DPY19L4: variants seen among roughly 807,000 people sequenced by gnomAD.
DPY19L4 encodes probable C-mannosyltransferase DPY19L4.
Under a neutral mutation model 102.8 loss-of-function variants are expected in DPY19L4, and 97 were observed. That is an observed-to-expected ratio of 0.94 (90% confidence interval 0.80 to 1.12). DPY19L4 has a LOEUF of 1.12. DPY19L4 is among the 50% of genes most tolerant of loss of function. The pLI is 0.00. For missense variants in DPY19L4, 815 were observed against 850.4 expected, an observed-to-expected ratio of 0.96 and a Z score of 0.52; for synonymous variants, 252 against 283.1, an observed-to-expected ratio of 0.89 and a Z score of 1.10.
intron 14 of DPY19L4, among the ~76,000 whole-genome samples, chr8:94,778,000 G>A (rs1311999160): frequency 1.3e-5 from 2 of 152,226 alleles, no homozygotes; most frequent in African/African-American, 2.4e-5. Flanking sequence ...GGAGGCTGAA[G>A]TGGGTGGATC....
chr8:94,788,617 A>G (rs1813757352), intron 18 of DPY19L4, among the ~76,000 whole-genome samples: 1 of 146,428 alleles, frequency 6.8e-6, no homozygotes, highest in Admixed American at 7.2e-5. Context: ...TGTTTTCCAC[A>G]AGAAGACCAC....
chr8:94,761,776 T>C lies in DPY19L4; in HGVS notation c.812T>C (p.Phe271Ser). 1 of 1,612,706 alleles carries C rather than the reference T, an allele frequency of 6.2e-7. No homozygotes were observed. Among genetic ancestry groups the C allele is most frequent in the Non-Finnish European group, 8.5e-7 (1 of 1,179,450 alleles). Residue 271 changes from phenylalanine (F) to serine (S), a missense_variant, in exon 8 of 19, where the codon TTT (phenylalanine) becomes TCT (serine). Phe to Ser is a radical substitution (Grantham distance 155, BLOSUM62 -2). Transcript: ENST00000414645. ...MMWEYSHYLL[F>S]LQAISLFLLD... ...TGGGAGTATAGCCACTATCTCCTGT[T>C]TCTTCAAGCAATATCTCTATTCCTG... is the stretch of plus-strand genomic sequence containing the variant.
chr8:94,725,298 T>TA (rs1810639059), intron 1 of DPY19L4, among the ~76,000 whole-genome samples: 3 of 152,230 alleles, frequency 2.0e-5, no homozygotes. Flanking sequence ...ACTCTGTACT[T>TA]ACAGTATCAT....
At chr8:94,747,687 T>G (rs2130841624) in intron 6 of DPY19L4, among the ~76,000 whole-genome samples, 1 of 151,536 alleles carries the variant, frequency 6.6e-6, no homozygotes, top group African/African-American at 2.4e-5. Flanking sequence ...GCTTCCCGAG[T>G]AGCTAGGACT....
At chr8:94,755,627 G>A (rs1199243081) in intron 6 of DPY19L4, among the ~76,000 whole-genome samples, 1 of 152,114 alleles carries the variant, frequency 6.6e-6, no homozygotes, top group East Asian at 1.9e-4. Context: ...GGGTGCGGTG[G>A]CTCATGCCTG....
Position 94,780,418 on chromosome 8 carries a change from A to T in DPY19L4, c.1632+3A>T, listed in dbSNP as rs1346193803. 6.9e-7 allele frequency: 1 copy of T among 1,448,288 alleles called. No homozygotes were observed. The highest frequency in any genetic ancestry group is 9.2e-7 in the Non-Finnish European group (1 of 1,083,508). The allele number at this position is 1,448,288 out of a possible 1,614,324, so 89.7% of individuals were successfully genotyped here. ...TAGGTCTCAGCTTATGGAAAGAGGT[A>T]AAAAAATTAGATTTTTATATTAATA... On this transcript the variant is annotated splice_donor_region_variant and intron_variant, in intron 15 of 18. Transcript: ENST00000414645.
chr8:94,767,002 G>A (rs979260809), intron 11 of DPY19L4, among the ~76,000 whole-genome samples: 21 of 151,554 alleles, frequency 1.4e-4, no homozygotes, highest in African/African-American at 4.4e-4. Flanking sequence ...CCTGGGAGGT[G>A]GAGGTCATAG....
At chr8:94,732,629 C>T (rs1191833967) in intron 2 of DPY19L4, among the ~76,000 whole-genome samples, 2 of 151,784 alleles carry the variant, frequency 1.3e-5, no homozygotes, top group African/African-American at 2.4e-5. Context: ...TTGAGTTGTA[C>T]ATTTTACATG....
intron 11 of DPY19L4, among the ~76,000 whole-genome samples, chr8:94,768,154 G>C (rs888369520): frequency 6.6e-6 from 1 of 152,132 alleles, no homozygotes; most frequent in African/African-American, 2.4e-5. Context: ...AGATGGTCAC[G>C]TTACTTGGTA....
chr8:94,783,364 T>C (rs1199703787), intron 16 of DPY19L4, among the ~76,000 whole-genome samples: 1 of 152,216 alleles, frequency 6.6e-6, no homozygotes, highest in Non-Finnish European at 1.5e-5. Flanking sequence ...TTCTTGTTAC[T>C]ATCCCCTTAC....
At position 94,733,821 on chromosome 8, in the gene DPY19L4, C is replaced by A. The variant is rs183003766; in HGVS notation, c.128-809C>A. Among the ~76,000 whole-genome samples the A allele has an allele frequency of 4.1e-3, 630 of 152,176 alleles. 13 individuals are homozygous for A. Among genetic ancestry groups the A allele is most frequent in the South Asian group, 0.037 (179 of 4,816 alleles). On this transcript the variant is annotated intron_variant, in intron 2 of 18. Coordinates refer to ENST00000414645, the MANE Select transcript of DPY19L4 (RefSeq NM_181787.3). ...CCTCCCAAAGTGGCGGGATTACAGACGTGAGCTACCGCGCCCGGCCTATAC... is the reference window on the plus strand; with the variant it reads ...CCTCCCAAAGTGGCGGGATTACAGAAGTGAGCTACCGCGCCCGGCCTATAC...
intron 7 of DPY19L4, among the ~76,000 whole-genome samples, chr8:94,759,228 T>C (rs1298293832): frequency 6.6e-6 from 1 of 152,156 alleles, no homozygotes; most frequent in Non-Finnish European, 1.5e-5. Context: ...TATTCCCTTA[T>C]GTGTCCTCTC....
intron 8 of DPY19L4, among the ~76,000 whole-genome samples, chr8:94,764,726 T>A (rs1206165086): frequency 6.1e-4 from 58 of 95,238 alleles, no homozygotes; most frequent in African/African-American, 1.3e-3. Flanking sequence ...TATTTTTTTT[T>A]TTTTTTTTTT....
intron 16 of DPY19L4, among the ~76,000 whole-genome samples, chr8:94,782,456 G>A (rs1053603842): frequency 6.6e-6 from 1 of 152,098 alleles, no homozygotes; most frequent in Middle Eastern, 3.4e-3. Flanking sequence ...ATTAATACTA[G>A]CATTCCCTCC....
chr8:94,744,313 T>A, intron 6 of DPY19L4: 1 of 455,982 alleles, frequency 2.2e-6, no homozygotes. Context: ...CAGGGAGGCC[T>A]TAATTTCTTA....
At chr8:94,773,129 G>A (rs556181535) in intron 13 of DPY19L4, among the ~76,000 whole-genome samples, 74 of 150,620 alleles carry the variant, frequency 4.9e-4, no homozygotes, top group Non-Finnish European at 8.7e-4. Flanking sequence ...CAGGAGAATC[G>A]CTTGAACCCG....
rs187156655 is a variant in DPY19L4 at position 94,765,595 on chromosome 8, C to A, written c.1003-116C>A. 13 of 855,144 alleles carry A rather than the reference C, an allele frequency of 1.5e-5. No individual in the cohort carries two copies. The African/African-American group carries it at 2.1e-4, about 14-fold the overall frequency. The allele number at this position is 855,144 out of a possible 1,614,324, so 53.0% of individuals were successfully genotyped here. On this transcript the variant is annotated intron_variant, in intron 9 of 18. Transcript: ENST00000414645. ...AAGTGATCCCCTATCTTTGGTCTCC[C>A]AAAGTGCTGGGATTACAGGCTTGAG...
At chr8:94,738,937 A>G (rs1004759164) in intron 4 of DPY19L4, among the ~76,000 whole-genome samples, 2 of 152,186 alleles carry the variant, frequency 1.3e-5, no homozygotes, top group Non-Finnish European at 2.9e-5. Flanking sequence ...TTGATATTAT[A>G]CACAATGTAT....
intron 8 of DPY19L4, among the ~76,000 whole-genome samples, chr8:94,764,289 T>C (rs1812530460): frequency 2.0e-5 from 3 of 151,972 alleles, no homozygotes; most frequent in South Asian, 4.1e-4. Flanking sequence ...AAGAAAACAG[T>C]GATAAGGGCC....
Sources: gnomAD v4.1 joint callset for allele counts (sites outside exome capture counted in the v4.1 genomes callset) on GRCh38, gnomAD v4.1.1 for gene constraint, MANE v1.5 for transcripts, NCBI Gene and HGNC (gene_info 2026-07-23, HGNC 2026-07-21) for gene names.